SCEL: variants seen among roughly 807,000 people sequenced by gnomAD.
SCEL encodes sciellin.
SCEL carries 113 observed loss-of-function variants against 117.6 expected under a neutral mutation model. The ratio of observed to expected loss-of-function variants is 0.96; its 90% CI spans 0.83 to 1.12. The LOEUF (loss-of-function observed/expected upper bound fraction) is 1.12, where lower values mean the gene tolerates loss of function less well. SCEL is among the 50% of genes most tolerant of loss of function. The probability of loss-of-function intolerance (pLI) is 0.00; values close to 1 mark genes in which losing one functional copy is unlikely to be tolerated. For missense variants in SCEL, 785 were observed against 810.8 expected, an observed-to-expected ratio of 0.97 and a Z score of 0.39; for synonymous variants, 270 against 256.2, an observed-to-expected ratio of 1.05 and a Z score of -0.51.
At chr13:77,545,128 T>C (rs1469754724) in intron 1 of SCEL, among the ~76,000 whole-genome samples, 2 of 152,266 alleles carry the variant, frequency 1.3e-5, no homozygotes, top group African/African-American at 4.8e-5. Context: ...ATTACACTTC[T>C]AAAACACAGT....
chr13:77,550,124 A>T (rs1014201746), intron 1 of SCEL, among the ~76,000 whole-genome samples: 4 of 151,672 alleles, frequency 2.6e-5, no homozygotes, highest in Non-Finnish European at 4.4e-5. Flanking sequence ...GGTGGCTCAC[A>T]TCTGTAATCC....
chr13:77,609,848 T>C (rs2088507051), intron 21 of SCEL, among the ~76,000 whole-genome samples, 199 bp from the exon 22 acceptor site: 1 of 152,186 alleles, frequency 6.6e-6, no homozygotes, highest in South Asian at 2.1e-4. Context: ...AAGTTCTTAT[T>C]CATTATTTCT....
chr13:77,617,723 C>G, intron 25 of SCEL, 65 bp downstream of exon 25: 1 of 1,462,914 alleles, frequency 6.8e-7, no homozygotes, highest in Non-Finnish European at 9.5e-7. Context: ...ATTATTACTT[C>G]AAGCAGATTT....
chr13:77,567,385 C>T (rs1048322865), intron 5 of SCEL, among the ~76,000 whole-genome samples: 2 of 152,182 alleles, frequency 1.3e-5, no homozygotes, highest in African/African-American at 4.8e-5. Flanking sequence ...ACCCTGCGGG[C>T]AGAGGTTGCA....
intron 24 of SCEL, among the ~76,000 whole-genome samples, chr13:77,614,453 T>G (rs1280809081): frequency 6.6e-6 from 1 of 152,202 alleles, no homozygotes. Context: ...AGCAAGGTTA[T>G]GGACCTAAAG....
At chr13:77,572,282 A>G (rs1355836268) in intron 9 of SCEL, 93 bp downstream of exon 9, 1 of 1,006,168 alleles carries the variant, frequency 9.9e-7, no homozygotes, top group East Asian at 2.6e-5. Flanking sequence ...TTTTGGGATA[A>G]ATTGGAGGCA....
chr13:77,599,761 TA>T lies in SCEL; in HGVS notation c.917+15del, dbSNP rs2087520700. On this transcript the variant is annotated intron_variant, in intron 15 of 32. Coordinates refer to ENST00000349847, the MANE Select transcript of SCEL (RefSeq NM_144777.3). ...AAGATGGCAAAGGGTAAGATTTTAT[TA>T]AGACAGACCATTTTGATTGAGTCCC... The T allele has an allele frequency of 6.3e-7, 1 of 1,576,940 alleles. No homozygotes were observed. Among genetic ancestry groups the T allele is most frequent in the Admixed American group, 1.7e-5 (1 of 59,942 alleles).
intron 15 of SCEL, among the ~76,000 whole-genome samples, chr13:77,601,793 A>G (rs2087719519): frequency 6.6e-6 from 1 of 152,212 alleles, no homozygotes; most frequent in African/African-American, 2.4e-5. Context: ...CAAGAAAGCA[A>G]AAGCCTTGGT....
intron 10 of SCEL, among the ~76,000 whole-genome samples, chr13:77,589,922 A>G (rs1429747639): frequency 6.6e-6 from 1 of 152,144 alleles, no homozygotes; most frequent in East Asian, 1.9e-4. Flanking sequence ...ACTGTTTAAT[A>G]TATCTTGAAC....
chr13:77,614,633 T>C (rs937378400), intron 24 of SCEL, among the ~76,000 whole-genome samples: 4 of 152,134 alleles, frequency 2.6e-5, no homozygotes, highest in Non-Finnish European at 5.9e-5. Context: ...AATTGTAAAA[T>C]TTTAGAGATG....
At chr13:77,590,003 T>C (rs2086781082) in intron 10 of SCEL, among the ~76,000 whole-genome samples, 1 of 152,144 alleles carries the variant, frequency 6.6e-6, no homozygotes, top group Non-Finnish European at 1.5e-5. Context: ...TCAACGGAGA[T>C]TGACTACATT....
At chr13:77,593,298 C>CACGCG (rs1195863187) in intron 11 of SCEL, among the ~76,000 whole-genome samples, 3 of 73,676 alleles carry the variant, frequency 4.1e-5, no homozygotes, top group African/African-American at 1.8e-4. Flanking sequence ...GTGTGTGTGT[C>CACGCG]TGTGTGTGTG....
At chr13:77,611,880 T>G (rs1175032044) in intron 22 of SCEL, among the ~76,000 whole-genome samples, 1 of 152,168 alleles carries the variant, frequency 6.6e-6, no homozygotes, top group East Asian at 1.9e-4. Flanking sequence ...TCTGTTAGTA[T>G]TATTATTACT....
At chr13:77,632,165 G>A (rs1003334128) in intron 28 of SCEL, among the ~76,000 whole-genome samples, 1 of 152,166 alleles carries the variant, frequency 6.6e-6, no homozygotes, top group African/African-American at 2.4e-5. Flanking sequence ...GAAGGTTATG[G>A]CTTAAACATG....
chr13:77,547,307 C>G (rs1049303368), intron 1 of SCEL, among the ~76,000 whole-genome samples: 10 of 151,824 alleles, frequency 6.6e-5, no homozygotes, highest in Non-Finnish European at 1.5e-4. Flanking sequence ...TTAGATTTAC[C>G]CTGAAATCTA....
intron 15 of SCEL, 111 bp downstream of exon 15, chr13:77,599,859 T>G: frequency 1.3e-6 from 1 of 770,590 alleles, no homozygotes; most frequent in Non-Finnish European, 2.3e-6. Flanking sequence ...GGAATAAGCC[T>G]TAGACTGGGG....
rs751610937 is a variant in SCEL at position 77,644,303 on chromosome 13, G to A, written c.*29G>A. 2 of 1,610,302 alleles carry A rather than the reference G, an allele frequency of 1.2e-6. No homozygotes were observed. The highest frequency in any genetic ancestry group is 1.7e-6 in the Non-Finnish European group (2 of 1,176,880). On this transcript the variant is annotated 3_prime_UTR_variant, in exon 33 of 33. Transcript: ENST00000349847. ...TGGCACAAGGAAATCAAGATGAAAA[G>A]CACTCATTAAGGAATTAAAGTTACA...
intron 17 of SCEL, 44 bp downstream of exon 17, chr13:77,602,757 C>T (rs766507780): frequency 2.6e-6 from 4 of 1,539,578 alleles, no homozygotes; most frequent in Admixed American, 3.4e-5. Flanking sequence ...TATTTTCTCT[C>T]ATATTAATTA....
rs139586145 is a variant in SCEL at position 77,542,784 on chromosome 13, GTTTGT to G, written c.-20+6964_-20+6968del. Among the ~76,000 whole-genome samples the G allele has an allele frequency of 2.5e-3, 373 of 152,220 alleles. 2 individuals carry two copies. The highest frequency in any genetic ancestry group is 8.5e-3 in the African/African-American group (352 of 41,546). ...TTAGGTGGTAATTAGTTGTTTGATG[GTTTGT>G]TTTATTTATCTTCCAAAAGATAATT... On this transcript the variant is annotated intron_variant, in intron 1 of 32. Coordinates refer to ENST00000349847, the MANE Select transcript of SCEL (RefSeq NM_144777.3).
Sources: allele counts gnomAD v4.1 joint callset (sites outside exome capture counted in the v4.1 genomes callset), GRCh38; gene constraint gnomAD v4.1.1; transcripts MANE v1.5; gene names NCBI Gene and HGNC (gene_info 2026-07-23, HGNC 2026-07-21).